SCEL: variants seen among roughly 807,000 people sequenced by gnomAD.
The protein encoded by SCEL is sciellin.
Under a neutral mutation model 117.6 loss-of-function variants are expected in SCEL, and 113 were observed. The ratio of observed to expected loss-of-function variants is 0.96; its 90% confidence interval spans 0.83 to 1.12. SCEL has a LOEUF of 1.12. Among genes scored for constraint, SCEL ranks in the 50% most tolerant of loss-of-function variants. SCEL has a pLI of 0.00. For missense variants in SCEL, 785 were observed against 810.8 expected, an observed-to-expected ratio of 0.97 and a Z score of 0.39; for synonymous variants, 270 against 256.2, an observed-to-expected ratio of 1.05 and a Z score of -0.51.
chr13:77,637,175 G>T lies in SCEL; in HGVS notation c.1819G>T (p.Val607Phe). 1 of 1,553,936 alleles carries T rather than the reference G, an allele frequency of 6.4e-7. No homozygotes were observed. The highest frequency in any genetic ancestry group is 8.7e-7 in the Non-Finnish European group (1 of 1,152,010). Residue 607 changes from valine (V) to phenylalanine (F), a missense_variant, in exon 30 of 33, where the codon GTT becomes TTT. Coordinates refer to ENST00000349847, the MANE Select transcript of SCEL (RefSeq NM_144777.3). ...TATCTCTGGAAAATACATACAAACT[G>T]TTTATTCAACTTCTGATAGGTGAGT... ...ENISGKYIQT[V>F]YSTSDRSVIE...
At chr13:77,583,651 G>GA in intron 9 of SCEL, among the ~76,000 whole-genome samples, 1 of 152,072 alleles carries the variant, frequency 6.6e-6, no homozygotes. Flanking sequence ...ATGATATAGA[G>GA]AAAAAACAAG....
chr13:77,619,357 G>C (rs1005855027), intron 27 of SCEL, among the ~76,000 whole-genome samples: 13 of 152,070 alleles, frequency 8.5e-5, no homozygotes, highest in African/African-American at 3.1e-4. Flanking sequence ...ACCCTATTTT[G>C]TAGAAGAAGA....
intron 19 of SCEL, chr13:77,606,376 T>A (rs2088190749): frequency 1.3e-5 from 2 of 152,234 alleles, no homozygotes; most frequent in African/African-American, 2.4e-5. Context: ...AATAACCTTA[T>A]TTTATTATGT....
chr13:77,588,628 G>A (rs2086695595), intron 9 of SCEL, among the ~76,000 whole-genome samples: 1 of 152,140 alleles, frequency 6.6e-6, no homozygotes, highest in Non-Finnish European at 1.5e-5. Flanking sequence ...TATATGCTTT[G>A]TCAGCATCAA....
intron 11 of SCEL, among the ~76,000 whole-genome samples, chr13:77,593,300 G>GTGTGCGCGCGTC (rs1555510801): frequency 0.033 from 4,771 of 145,002 alleles, 132 homozygotes; most frequent in Non-Finnish European, 0.052. Flanking sequence ...GTGTGTGTCT[G>GTGTGCGCGCGTC]TGTGTGTGTG....
In SCEL at chr13:77,642,750, T is replaced by G. The variant is rs139437895; in HGVS notation, c.1992T>G (p.Asp664Glu). Residue 664 changes from aspartate to glutamate, a missense_variant, in exon 32 of 33, where the codon GAT becomes GAG. Transcript: ENST00000349847. ...CTTTGGAAAATCTACAAGCGGGTGA[T>G]AGTATTTGGATTTATAGACAGACAA... ...KQPLENLQAGDSIWIYRQTIH... is the reference protein window; with the variant it reads ...KQPLENLQAGESIWIYRQTIH... 368 of 1,606,852 alleles carry G rather than the reference T, an allele frequency of 2.3e-4. No individual in the cohort carries two copies. The highest frequency in any genetic ancestry group is 2.8e-4 in the Non-Finnish European group (331 of 1,176,186).
chr13:77,555,927 C>T lies in SCEL; in HGVS notation c.43+9C>T. 1 of 1,610,818 alleles carries T rather than the reference C, an allele frequency of 6.2e-7. No homozygotes were observed. Among genetic ancestry groups the T allele is most frequent in the Non-Finnish European group, 8.5e-7 (1 of 1,177,356 alleles). ...GTCTCCCACAGGAAATGGTAATGTA[C>T]ATGATGTTTCTCTCACTCAGAAAAC... On this transcript the variant is annotated intron_variant, in intron 2 of 32. Coordinates refer to ENST00000349847, the MANE Select transcript of SCEL (RefSeq NM_144777.3).
In SCEL at chr13:77,583,662, G is replaced by A. The variant is rs1250927522; in HGVS notation, c.546-5482G>A. On this transcript the variant is annotated intron_variant, in intron 9 of 32. Transcript: ENST00000349847. ...CAGTATGATATAGAGAAAAAACAAG[G>A]GATTTAACATCAGAAAGACCAGTTT... 2.6e-5 allele frequency among the ~76,000 whole-genome samples: 4 copies of A among 152,204 alleles called. No homozygotes were observed. In the East Asian group the frequency reaches 7.7e-4, roughly 29 times the overall value.
At chr13:77,644,034 G>A (rs113239471) in intron 32 of SCEL, among the ~76,000 whole-genome samples, 5 of 152,176 alleles carry the variant, frequency 3.3e-5, no homozygotes, top group African/African-American at 9.6e-5. Context: ...ATACATATAA[G>A]TTGTCAAGAG....
chr13:77,592,226 G>A lies in SCEL; in HGVS notation c.692+766G>A, dbSNP rs569732467. ...TGCCATTCTAAAAGACACATCACAT[G>A]TATTCTCTTCTTTGGAGAAAGTCAT... On this transcript the variant is annotated intron_variant, in intron 11 of 32. Coordinates refer to ENST00000349847, the MANE Select transcript of SCEL (RefSeq NM_144777.3). Among the ~76,000 whole-genome samples, 9 of 152,174 alleles carry A rather than the reference G, an allele frequency of 5.9e-5. No homozygotes were observed. In the East Asian group the frequency reaches 1.2e-3, roughly 20 times the overall value.
chr13:77,554,404 C>T lies in SCEL; in HGVS notation c.-19-1453C>T, dbSNP rs367623049. On this transcript the variant is annotated intron_variant, in intron 1 of 32. Transcript: ENST00000349847. ...GAGGGGAACCTGATCTGGACACTTA[C>T]AGCCTCCACCTCTGATCTTCTGCAG... Among the ~76,000 whole-genome samples the T allele has an allele frequency of 8.5e-5, 13 of 152,310 alleles. No individual in the cohort carries two copies. The South Asian group carries it at 2.3e-3, about 27-fold the overall frequency.
intron 27 of SCEL, among the ~76,000 whole-genome samples, chr13:77,624,962 A>T (rs1406564270): frequency 2.0e-5 from 3 of 152,250 alleles, no homozygotes; most frequent in African/African-American, 7.2e-5. Flanking sequence ...ACTATGTGCA[A>T]GGCCATGTTA....
At chr13:77,542,971 G>C (rs1368922209) in intron 1 of SCEL, among the ~76,000 whole-genome samples, 3 of 152,056 alleles carry the variant, frequency 2.0e-5, no homozygotes, top group Non-Finnish European at 4.4e-5. Context: ...ACCGCACCCT[G>C]AAACCCTCAG....
chr13:77,549,886 A>G (rs1441953349), intron 1 of SCEL, among the ~76,000 whole-genome samples: 1 of 152,120 alleles, frequency 6.6e-6, no homozygotes, highest in Non-Finnish European at 1.5e-5. Context: ...GCCCATGAGG[A>G]TGGGACTGGG....
chr13:77,569,333 TGA>T (rs750993009), intron 7 of SCEL, 36 bp from the exon 8 acceptor site: 103 of 1,527,570 alleles, frequency 6.7e-5, no homozygotes, highest in Non-Finnish European at 9.0e-5. Flanking sequence ...TGAAAAAGTT[TGA>T]GAGTGGGATT....
At chr13:77,596,367 CA>C (rs1377585515) in intron 12 of SCEL, among the ~76,000 whole-genome samples, 13 of 151,672 alleles carry the variant, frequency 8.6e-5, no homozygotes, top group African/African-American at 3.1e-4. Context: ...ATTTATTAAA[CA>C]AAAAATTTAG....
intron 9 of SCEL, among the ~76,000 whole-genome samples, chr13:77,583,760 T>C (rs2086398626): frequency 6.6e-6 from 1 of 152,138 alleles, no homozygotes; most frequent in African/African-American, 2.4e-5. Flanking sequence ...TGATTCTGTG[T>C]TCAACCTAGA....
At chr13:77,565,436 T>G (rs2154396920) in intron 5 of SCEL, among the ~76,000 whole-genome samples, 1 of 152,302 alleles carries the variant, frequency 6.6e-6, no homozygotes, top group South Asian at 2.1e-4. Flanking sequence ...GCCCAGAGAT[T>G]ACATGATCTA....
chr13:77,546,337 G>T (rs920599607), intron 1 of SCEL, among the ~76,000 whole-genome samples: 1 of 152,152 alleles, frequency 6.6e-6, no homozygotes, highest in African/African-American at 2.4e-5. Context: ...CTCTGGTGTT[G>T]CAGTCACACA....
Sources: gnomAD v4.1 joint callset for allele counts (sites outside exome capture counted in the v4.1 genomes callset) on GRCh38, gnomAD v4.1.1 for gene constraint, MANE v1.5 for transcripts, NCBI Gene and HGNC (gene_info 2026-07-23, HGNC 2026-07-21) for gene names.